The following CTTN variants were observed in gnomAD, a reference collection of about 807,000 sequenced individuals.
CTTN encodes cortactin, also known as src substrate cortactin.
CTTN carries 28 observed loss-of-function variants against 84.0 expected under a neutral mutation model. The observed-to-expected ratio is 0.33, with a 90% confidence interval of 0.25 to 0.46. The LOEUF is 0.46. Ranked by LOEUF, CTTN falls within the 20% of genes least tolerant of loss-of-function variation. The pLI is 1.00. For missense variants in CTTN, 641 were observed against 723.8 expected (o/e 0.89, Z 1.31); for synonymous variants, 301 against 288.8 (o/e 1.04, Z -0.43).
At chr11:70,401,081 C>T (rs1312787503) in intron 1 of CTTN, among the ~76,000 whole-genome samples, 1 of 152,154 alleles carries the variant, frequency 6.6e-6, no homozygotes, top group Non-Finnish European at 1.5e-5. Flanking sequence ...CACCTGTAAT[C>T]TCAGCACTTT....
chr11:70,429,385 T>G (rs1369838836), intron 14 of CTTN, among the ~76,000 whole-genome samples, 186 bp downstream of exon 14: 1 of 152,190 alleles, frequency 6.6e-6, no homozygotes, highest in Admixed American at 6.5e-5. Context: ...AGGCTGAGTC[T>G]CTGGCCACAA....
chr11:70,417,201 G>T, intron 8 of CTTN, 78 bp downstream of exon 8: 1 of 1,043,906 alleles, frequency 9.6e-7, no homozygotes. Flanking sequence ...CTGCACACGT[G>T]ATTGTTGTAG....
At chr11:70,408,531 G>A (rs2058068176) in intron 4 of CTTN, among the ~76,000 whole-genome samples, 1 of 152,102 alleles carries the variant, frequency 6.6e-6, no homozygotes, top group Non-Finnish European at 1.5e-5. Context: ...CTGAGTAGCT[G>A]GAACCATGGG....
At chr11:70,415,902 G>C in intron 7 of CTTN, 185 bp downstream of exon 7, 1 of 623,010 alleles carries the variant, frequency 1.6e-6, no homozygotes, top group Non-Finnish European at 2.9e-6. Flanking sequence ...CATGTTTCTG[G>C]ATCATCTGGA....
intron 14 of CTTN, 149 bp from the exon 15 acceptor site, chr11:70,431,041 TG>T: frequency 2.7e-6 from 2 of 752,758 alleles, no homozygotes; most frequent in Non-Finnish European, 4.5e-6. Context: ...ATCTGAGGCT[TG>T]GTGCTCCAGC....
chr11:70,407,409 C>T lies in CTTN; in HGVS notation c.87+25C>T. 2.5e-6 allele frequency: 4 copies of T among 1,612,716 alleles called. No homozygotes were observed. The South Asian group carries it at 3.3e-5, about 13-fold the overall frequency. ...GGTAGGAGCCGCCAGCCTTTGCTTT[C>T]CTCTTTCATGAAGTGGAAGTGGCTC... is the stretch of plus-strand genomic sequence containing the variant. On this transcript the variant is annotated intron_variant, in intron 3 of 17. Transcript: ENST00000301843.
chr11:70,422,742 G>C (rs1156287437), intron 11 of CTTN, 198 bp from the exon 12 acceptor site: 1 of 1,450,226 alleles, frequency 6.9e-7, no homozygotes, highest in African/African-American at 1.4e-5. Context: ...CCTGTGCTCT[G>C]CTTCTCACTG....
chr11:70,436,033 T>C lies in CTTN; in HGVS notation c.*871T>C. 1 of 1,426,532 alleles carries C rather than the reference T, an allele frequency of 7.0e-7. No individual in the cohort carries two copies. Among genetic ancestry groups the C allele is most frequent in the Admixed American group, 3.0e-5 (1 of 33,658 alleles). 88.4% of individuals were successfully genotyped at this position (1,426,532 alleles called of 1,614,324 possible). A position where few individuals can be genotyped will look rare whatever the true frequency, so the allele number is the denominator to read the frequency against. ...ACCGGGCAGCCTGGGGCGGTGTGTG[T>C]GCCATGTCACAGCATGGCCTCTCGG... On this transcript the variant is annotated 3_prime_UTR_variant, in exon 18 of 18. Transcript: ENST00000301843.
chr11:70,419,959 G>A (rs1045892690), intron 9 of CTTN, 103 bp downstream of exon 9: 15 of 820,098 alleles, frequency 1.8e-5, no homozygotes, highest in South Asian at 3.3e-5. Context: ...AGCCCTTAAC[G>A]TAGATGTCTC....
At chr11:70,424,336 G>A (rs911234557) in intron 12 of CTTN, among the ~76,000 whole-genome samples, 61 of 152,252 alleles carry the variant, frequency 4.0e-4, no homozygotes, top group African/African-American at 1.4e-3. Context: ...TGGTGTTGGC[G>A]GTGACCGCTG....
chr11:70,403,229 G>A (rs560266863), intron 1 of CTTN, among the ~76,000 whole-genome samples: 4 of 127,282 alleles, frequency 3.1e-5, no homozygotes, highest in South Asian at 2.4e-4. Flanking sequence ...TCACTCTGTC[G>A]CCAGGCTGCA....
rs566367964 is a variant in CTTN at position 70,428,042 on chromosome 11, A to G, written c.1028-1009A>G. On this transcript the variant is annotated intron_variant, in intron 13 of 17. Coordinates refer to ENST00000301843, the MANE Select transcript of CTTN (RefSeq NM_005231.4). Reference sequence around the variant, plus strand: ...TTATTTCAGGGAAAAACGCTATTCCATGAGAAAACAGTCAACTTGCAGCTC... The same window carrying G: ...TTATTTCAGGGAAAAACGCTATTCCGTGAGAAAACAGTCAACTTGCAGCTC... 2.9e-3 allele frequency among the ~76,000 whole-genome samples: 445 copies of G among 152,090 alleles called. 5 individuals carry two copies. Among genetic ancestry groups the G allele is most frequent in the Admixed American group, 0.012 (177 of 15,274 alleles).
In CTTN at chr11:70,409,755, CTTAT is replaced by C; in HGVS notation, c.162-71_162-68del. ...ATTTACAAAGATAATGTCACCTGTT[CTTAT>C]TTATCATACCAGGAGGCAAAGCTGC... On this transcript the variant is annotated intron_variant, in intron 4 of 17. Coordinates refer to ENST00000301843, the MANE Select transcript of CTTN (RefSeq NM_005231.4). 5.5e-6 allele frequency: 8 copies of C among 1,463,264 alleles called. No individual in the cohort carries two copies. The South Asian group carries it at 9.5e-5, about 17-fold the overall frequency. 90.6% of individuals were successfully genotyped at this position (1,463,264 alleles called of 1,614,324 possible).
At chr11:70,415,012 T>G (rs2058141492) in intron 6 of CTTN, among the ~76,000 whole-genome samples, 1 of 152,108 alleles carries the variant, frequency 6.6e-6, no homozygotes, top group South Asian at 2.1e-4. Flanking sequence ...CAGGATGCGC[T>G]CGTGTCCAGG....
chr11:70,432,054 G>T (rs1360213940), intron 15 of CTTN, among the ~76,000 whole-genome samples: 2 of 152,160 alleles, frequency 1.3e-5, no homozygotes, highest in Admixed American at 1.3e-4. Context: ...TAGTTCAGGA[G>T]CCCAGAGAGA....
At chr11:70,424,396 A>G (rs1472064112) in intron 12 of CTTN, among the ~76,000 whole-genome samples, 4 of 151,986 alleles carry the variant, frequency 2.6e-5, no homozygotes, top group Non-Finnish European at 5.9e-5. Flanking sequence ...CTTTCGTGTC[A>G]TTGTCTTTCA....
chr11:70,433,262 G>A lies in CTTN; in HGVS notation c.1428G>A (p.Pro476=), dbSNP rs775345158. 3.5e-5 allele frequency: 57 copies of A among 1,611,132 alleles called. No homozygotes were observed. Among genetic ancestry groups the A allele is most frequent in the Non-Finnish European group, 4.2e-5 (49 of 1,179,392 alleles). The stretch of plus-strand genomic sequence containing the variant: ...CTGTCTATGAAAGCGCAGAGGCCCC[G>A]GGCCACTATCCCGCAGGTACTGGGG... The part of the protein sequence containing the change: ...TEAVYESAEA[P]GHYPAEDSTY... Residue 476 remains proline (P), a synonymous_variant, in exon 16 of 18, where the codon CCG becomes CCA. Transcript: ENST00000301843.
chr11:70,401,178 A>C (rs2057974447), intron 1 of CTTN, among the ~76,000 whole-genome samples: 2 of 152,154 alleles, frequency 1.3e-5, no homozygotes, highest in African/African-American at 4.8e-5. Context: ...TCTGTTAAAA[A>C]TAGAAAAATT....
chr11:70,425,907 G>C (rs143191347), intron 13 of CTTN, among the ~76,000 whole-genome samples: 1 of 152,308 alleles, frequency 6.6e-6, no homozygotes, highest in Non-Finnish European at 1.5e-5. Flanking sequence ...CTGCCCCGGA[G>C]AGTCAAGTAG....
Sources: allele counts gnomAD v4.1 joint callset (sites outside exome capture counted in the v4.1 genomes callset), GRCh38; gene constraint gnomAD v4.1.1; transcripts MANE v1.5; gene names NCBI Gene and HGNC (gene_info 2026-07-23, HGNC 2026-07-21).